The following DNAH10 variants were observed in gnomAD, a reference collection of about 807,000 sequenced individuals.
DNAH10 encodes the protein dynein axonemal heavy chain 10.
A neutral mutation model predicts 506.6 loss-of-function variants in DNAH10; 348 were observed. The observed-to-expected ratio is 0.69, with a 90% CI of 0.63 to 0.75. DNAH10 has a LOEUF of 0.75. Among genes scored for constraint, DNAH10 ranks in the 30% least tolerant of loss-of-function variants. DNAH10 has a pLI of 0.00. For missense variants in DNAH10, 5,179 were observed against 5,787.1 expected (o/e 0.89, Z 3.41); for synonymous variants, 2,059 against 2,198.6 (o/e 0.94, Z 1.78).
At chr12:123,915,021 C>T (rs373532955) in intron 62 of DNAH10, 22 bp downstream of exon 62, 136 of 1,588,356 alleles carry the variant, frequency 8.6e-5, no homozygotes, top group Non-Finnish European at 1.0e-4. Context: ...CCTCCCAGGG[C>T]GTCTTCTGCC....
chr12:123,815,633 A>G (rs1305744414), intron 21 of DNAH10, among the ~76,000 whole-genome samples: 1 of 152,190 alleles, frequency 6.6e-6, no homozygotes, highest in Non-Finnish European at 1.5e-5. Flanking sequence ...AAATATGGTA[A>G]TTGCTGTGTG....
intron 65 of DNAH10, among the ~76,000 whole-genome samples, chr12:123,921,726 T>G (rs1183037411): frequency 1.3e-5 from 1 of 74,396 alleles, no homozygotes; most frequent in African/African-American, 3.9e-5. Flanking sequence ...TTTTTTTTTT[T>G]TTTTTGAGAC....
chr12:123,913,140 C>CT lies in DNAH10; in HGVS notation c.10178dup (p.Glu3394GlyfsTer6). ...GAATTTTTACCTCACTAAACGGGAA[C>CT]TGGAAAGGATCCAGAATGAGTTGGC... On this transcript the variant is annotated frameshift_variant, in exon 60 of 79. Coordinates refer to ENST00000673944, the MANE Select transcript of DNAH10 (RefSeq NM_001372106.1). LOFTEE classifies it high-confidence loss of function. This position sits in a 1 kb window ranked among gnomAD's most constrained non-coding sequence, Gnocchi z 5.1. 1 of 1,611,984 alleles carries CT rather than the reference C, an allele frequency of 6.2e-7. No homozygotes were observed.
In DNAH10 at chr12:123,857,201, T is replaced by C. The variant is rs1207784973; in HGVS notation, c.6584T>C (p.Val2195Ala). 2.5e-6 allele frequency: 4 copies of C among 1,608,430 alleles called. No individual in the cohort carries two copies. In the Admixed American group the frequency reaches 5.1e-5, roughly 20 times the overall value. ...RVRYPDFNDA[V>A]EQVLEENGYA... Reference sequence around the variant, plus strand: ...CGCTACCCTGACTTCAACGATGCGGTAGAGCAGGTCCTGGAGGAGAACGGC... The same window carrying C: ...CGCTACCCTGACTTCAACGATGCGGCAGAGCAGGTCCTGGAGGAGAACGGC... Residue 2195 changes from valine to alanine, a missense_variant, in exon 37 of 79, where the codon GTA becomes GCA. Transcript: ENST00000673944.
chr12:123,908,079 TC>T (rs1953871611), intron 57 of DNAH10, among the ~76,000 whole-genome samples: 1 of 130,348 alleles, frequency 7.7e-6, no homozygotes, highest in South Asian at 2.3e-4. Flanking sequence ...CTCCTCCCTG[TC>T]TCTCTGTCTC....
chr12:123,804,109 C>A (rs1958570903), intron 17 of DNAH10, among the ~76,000 whole-genome samples: 1 of 152,088 alleles, frequency 6.6e-6, no homozygotes, highest in Non-Finnish European at 1.5e-5. Flanking sequence ...CCAGGCTGGT[C>A]TTGGACTCCT....
chr12:123,873,193 A>T (rs1444012447), intron 45 of DNAH10, among the ~76,000 whole-genome samples: 1 of 152,246 alleles, frequency 6.6e-6, no homozygotes, highest in Non-Finnish European at 1.5e-5. Context: ...TAGTCCTAAG[A>T]GATGCCATTA....
At chr12:123,878,104 G>C (rs1952340802) in intron 48 of DNAH10, among the ~76,000 whole-genome samples, 196 bp downstream of exon 48, 2 of 152,306 alleles carry the variant, frequency 1.3e-5, no homozygotes, top group African/African-American at 4.8e-5. Context: ...CATTGAAACA[G>C]GCAAAACCAA....
Position 123,928,336 on chromosome 12 carries a change from G to A in DNAH10, c.12106-51G>A. The A allele has an allele frequency of 6.5e-7, 1 of 1,542,842 alleles. No individual in the cohort carries two copies. Among genetic ancestry groups the A allele is most frequent in the Non-Finnish European group, 8.7e-7 (1 of 1,143,904 alleles). ...GTGGAGTGGGTCTCTGGAGAGCACG[G>A]GGTTGGGTTTGGATGCCAACCCCTC... On this transcript the variant is annotated intron_variant, in intron 69 of 78. Transcript: ENST00000673944. The surrounding 1 kb of genome is among the most constrained non-coding windows in gnomAD (Gnocchi z 4.9).
At chr12:123,883,484 T>G (rs528549765) in intron 51 of DNAH10, among the ~76,000 whole-genome samples, 1 of 152,344 alleles carries the variant, frequency 6.6e-6, no homozygotes, top group East Asian at 1.9e-4. Context: ...ATTCACCCTT[T>G]TCTCCCCGAC....
intron 30 of DNAH10, among the ~76,000 whole-genome samples, chr12:123,842,573 A>G (rs1337073291): frequency 6.6e-6 from 1 of 152,228 alleles, no homozygotes; most frequent in Non-Finnish European, 1.5e-5. Context: ...GAAAACATCT[A>G]CTTAAAAATT....
chr12:123,877,949 T>G, intron 48 of DNAH10, 41 bp downstream of exon 48: 1 of 1,589,942 alleles, frequency 6.3e-7, no homozygotes, highest in Non-Finnish European at 8.6e-7. Context: ...CCCACAGGTA[T>G]GATAGTTTTC....
chr12:123,765,941 A>G (rs1957027979), intron 1 of DNAH10, among the ~76,000 whole-genome samples: 1 of 151,660 alleles, frequency 6.6e-6, no homozygotes, highest in South Asian at 2.1e-4. Flanking sequence ...CAACTGACCA[A>G]TCTGTGTGTC....
chr12:123,907,555 G>A lies in DNAH10; in HGVS notation c.9816-1706G>A, dbSNP rs577125800. 7.2e-5 allele frequency among the ~76,000 whole-genome samples: 11 copies of A among 152,298 alleles called. No individual in the cohort carries two copies. In the South Asian group the frequency reaches 1.0e-3, roughly 14 times the overall value. Reference sequence around the variant, plus strand: ...GGCCTGCAACCCAACAGCAGAAAACGTCACTTTGGTAGACTCAGAGGATTT... The same window carrying A: ...GGCCTGCAACCCAACAGCAGAAAACATCACTTTGGTAGACTCAGAGGATTT... On this transcript the variant is annotated intron_variant, in intron 57 of 78. Coordinates refer to ENST00000673944, the MANE Select transcript of DNAH10 (RefSeq NM_001372106.1). The surrounding 1 kb of genome is among the most constrained non-coding windows in gnomAD (Gnocchi z 4.4).
At chr12:123,790,714 A>G (rs1214988411) in intron 11 of DNAH10, among the ~76,000 whole-genome samples, 1 of 152,184 alleles carries the variant, frequency 6.6e-6, no homozygotes, top group Admixed American at 6.6e-5. Context: ...AAATCAAGCT[A>G]GAAAGGTGGG....
chr12:123,762,931 G>C lies in DNAH10; in HGVS notation c.214+381G>C, dbSNP rs1956882742. Among the ~76,000 whole-genome samples the C allele has an allele frequency of 6.6e-6, 1 of 152,122 alleles. No homozygotes were observed. The highest frequency in any genetic ancestry group is 2.4e-5 in the African/African-American group (1 of 41,428). The stretch of plus-strand genomic sequence containing the variant: ...GAGGGGGTTAAGTAACCTGCCCAAG[G>C]CCCACGGGGCGTCAAGATCCACTGT... On this transcript the variant is annotated intron_variant, in intron 1 of 78. Transcript: ENST00000673944. The surrounding 1 kb of genome is among the most constrained non-coding windows in gnomAD (Gnocchi z 5.0).
At position 123,784,129 on chromosome 12, in the gene DNAH10, G is replaced by T. The variant is rs764638695; in HGVS notation, c.1182G>T (p.Glu394Asp). Residue 394 changes from glutamate (E) to aspartate (D), a missense_variant, in exon 8 of 79, where the codon GAG becomes GAT. Transcript: ENST00000673944. ...VFTELFKFHTEASDNVRFLST... is the reference protein window; with the variant it reads ...VFTELFKFHTDASDNVRFLST... ...CCGAGTTATTCAAGTTCCACACGGA[G>T]GCCTCAGACAATGTGCGCTTTCTCT... is the stretch of plus-strand genomic sequence containing the variant. 1 of 1,614,128 alleles carries T rather than the reference G, an allele frequency of 6.2e-7. No homozygotes were observed. The highest frequency in any genetic ancestry group is 1.3e-5 in the African/African-American group (1 of 74,938).
chr12:123,884,799 C>A (rs1952660211), intron 51 of DNAH10, among the ~76,000 whole-genome samples: 1 of 152,170 alleles, frequency 6.6e-6, no homozygotes, highest in Non-Finnish European at 1.5e-5. Flanking sequence ...ATGGAATAAT[C>A]CTCACTGCAA....
rs745672538 is a variant in DNAH10 at position 123,867,597 on chromosome 12, A to G, written c.7298A>G (p.Asn2433Ser). The G allele has an allele frequency of 4.8e-5, 78 of 1,613,454 alleles. No homozygotes were observed. The South Asian group carries it at 6.1e-4, about 13-fold the overall frequency. ...ACAATAGTTCCTCAGACAGACCTCA[A>G]TATGGTAAGAAATGATCCCTGCTGT... ...LKTIVPQTDL[N>S]MVTQLAKMLD... Residue 2433 changes from asparagine to serine, a missense_variant, in exon 42 of 79, where the codon AAT becomes AGT. By Grantham distance (46) the Asn-to-Ser change is conservative. Transcript: ENST00000673944.
Sources: allele counts gnomAD v4.1 joint callset (sites outside exome capture counted in the v4.1 genomes callset), GRCh38; gene constraint gnomAD v4.1.1; non-coding constraint Gnocchi (gnomAD v3.1); transcripts MANE v1.5; gene names NCBI Gene and HGNC (gene_info 2026-07-23, HGNC 2026-07-21).